XKR6: variants seen among roughly 807,000 people sequenced by gnomAD.
XKR6 encodes the protein XK-related protein 6.
Under a neutral mutation model 56.7 loss-of-function variants are expected in XKR6, and 22 were observed. The observed-to-expected ratio is 0.39, with a 90% CI of 0.28 to 0.55. The LOEUF (loss-of-function observed/expected upper bound fraction) is 0.55. Ranked by LOEUF, XKR6 falls within the 20% of genes least tolerant of loss-of-function variation. XKR6 has a pLI of 0.66. For missense variants in XKR6, 852 were observed against 889.0 expected, an observed-to-expected ratio of 0.96 and a Z score of 0.53; for synonymous variants, 524 against 387.8, an observed-to-expected ratio of 1.35 and a Z score of -4.13.
chr8:11,134,748 A>G (rs1800296634), intron 1 of XKR6, among the ~76,000 whole-genome samples: 1 of 152,096 alleles, frequency 6.6e-6, no homozygotes, highest in African/African-American at 2.4e-5. Context: ...CCAGCGAAAT[A>G]ATCATGGACA....
chr8:10,962,153 A>T (rs764097052), intron 1 of XKR6, among the ~76,000 whole-genome samples: 1 of 152,246 alleles, frequency 6.6e-6, no homozygotes, highest in Non-Finnish European at 1.5e-5. Context: ...AGAAGCACAC[A>T]GGGGACTTAT....
chr8:10,979,788 A>G (rs905896112), intron 1 of XKR6, among the ~76,000 whole-genome samples: 1 of 151,986 alleles, frequency 6.6e-6, no homozygotes, highest in African/African-American at 2.4e-5. Flanking sequence ...CTGAGTGAGG[A>G]CCCTGTGCTG....
intron 1 of XKR6, among the ~76,000 whole-genome samples, chr8:11,175,895 C>T (rs950582712): frequency 6.6e-6 from 1 of 152,122 alleles, no homozygotes; most frequent in African/African-American, 2.4e-5. Context: ...ACAGCATAAT[C>T]CAAGAACAAG....
At chr8:11,125,357 A>G (rs1799722497) in intron 1 of XKR6, among the ~76,000 whole-genome samples, 1 of 152,224 alleles carries the variant, frequency 6.6e-6, no homozygotes, top group Non-Finnish European at 1.5e-5. Flanking sequence ...CGAGGCCTGA[A>G]GACACCTTTA....
At chr8:11,073,549 T>C (rs1402740756) in intron 1 of XKR6, among the ~76,000 whole-genome samples, 3 of 152,208 alleles carry the variant, frequency 2.0e-5, no homozygotes, top group African/African-American at 4.8e-5. Flanking sequence ...AGATTTAGTC[T>C]TTCGCTGTAA....
At chr8:11,087,596 A>G (rs1413213930) in intron 1 of XKR6, among the ~76,000 whole-genome samples, 1 of 152,226 alleles carries the variant, frequency 6.6e-6, no homozygotes, top group Non-Finnish European at 1.5e-5. Context: ...ATGACCAGGA[A>G]CAATGAAAGC....
chr8:11,020,815 C>T (rs1457067440), intron 1 of XKR6, among the ~76,000 whole-genome samples: 3 of 152,188 alleles, frequency 2.0e-5, no homozygotes, highest in Non-Finnish European at 4.4e-5. Context: ...CTTGGGCAGG[C>T]CAGGTGACCT....
chr8:11,157,278 G>C (rs1244666416), intron 1 of XKR6, among the ~76,000 whole-genome samples: 1 of 152,098 alleles, frequency 6.6e-6, no homozygotes, highest in Non-Finnish European at 1.5e-5. Flanking sequence ...ACTGAAGGAA[G>C]ACACAAATGG....
intron 1 of XKR6, among the ~76,000 whole-genome samples, chr8:11,122,038 A>T (rs1197793195): frequency 6.6e-6 from 1 of 152,122 alleles, no homozygotes; most frequent in Admixed American, 6.6e-5. Flanking sequence ...GATATTCAAT[A>T]TTCAATAGCA....
intron 1 of XKR6, among the ~76,000 whole-genome samples, chr8:11,147,360 C>G (rs1160752287): frequency 6.6e-6 from 1 of 152,126 alleles, no homozygotes; most frequent in African/African-American, 2.4e-5. Flanking sequence ...ACGGACACTT[C>G]ACTAAAGAAG....
chr8:11,070,895 A>C (rs757287038), intron 1 of XKR6, among the ~76,000 whole-genome samples: 1 of 152,164 alleles, frequency 6.6e-6, no homozygotes, highest in Non-Finnish European at 1.5e-5. Flanking sequence ...TGCTGAACCC[A>C]CCAGACCAAG....
intron 1 of XKR6, among the ~76,000 whole-genome samples, chr8:11,095,444 T>C (rs1231029885): frequency 6.6e-6 from 1 of 152,224 alleles, no homozygotes; most frequent in Non-Finnish European, 1.5e-5. Context: ...AATGATCACA[T>C]GCCAGTCAAA....
intron 1 of XKR6, among the ~76,000 whole-genome samples, chr8:11,033,399 G>A (rs569280607): frequency 1.3e-4 from 19 of 149,120 alleles, no homozygotes; most frequent in African/African-American, 3.8e-4. Flanking sequence ...TGATGATGAC[G>A]ATAGTGATGG....
At chr8:10,938,373 C>T (rs547866983) in intron 1 of XKR6, among the ~76,000 whole-genome samples, 1 of 152,244 alleles carries the variant, frequency 6.6e-6, no homozygotes, top group African/African-American at 2.4e-5. Context: ...GCATCGCTCA[C>T]GCTGGGAGCT....
chr8:11,067,140 G>C (rs34472998), intron 1 of XKR6: 2 of 152,406 alleles, frequency 1.3e-5, no homozygotes, highest in African/African-American at 4.8e-5. Flanking sequence ...ACGTCACCCA[G>C]GCTGGTGGGG....
At chr8:11,089,241 C>T (rs1354492968) in intron 1 of XKR6, among the ~76,000 whole-genome samples, 1 of 152,014 alleles carries the variant, frequency 6.6e-6, no homozygotes, top group Non-Finnish European at 1.5e-5. Flanking sequence ...GACTGCAACT[C>T]GACAAGTCAG....
At chr8:11,178,548 A>ATATATATATATATATG (rs1563197711) in intron 1 of XKR6, among the ~76,000 whole-genome samples, 6 of 78,034 alleles carry the variant, frequency 7.7e-5, no homozygotes, top group African/African-American at 6.2e-4. Context: ...AGAGGTAAAA[A>ATATATATATATATATG]TATATATATA....
chr8:11,166,585 T>G (rs1041595131), intron 1 of XKR6, among the ~76,000 whole-genome samples: 1 of 151,032 alleles, frequency 6.6e-6, no homozygotes, highest in Non-Finnish European at 1.5e-5. Flanking sequence ...TATTTATTTA[T>G]TTTTGAGATG....
intron 1 of XKR6, among the ~76,000 whole-genome samples, chr8:11,196,040 A>C (rs1803868078): frequency 6.6e-6 from 1 of 151,906 alleles, no homozygotes; most frequent in East Asian, 1.9e-4. Context: ...CTACCCACAC[A>C]CCCACACAGC....
Sources: gnomAD v4.1 joint callset for allele counts (sites outside exome capture counted in the v4.1 genomes callset) on GRCh38, gnomAD v4.1.1 for gene constraint, MANE v1.5 for transcripts, NCBI Gene and HGNC (gene_info 2026-07-23, HGNC 2026-07-21) for gene names.